The following DYRK1A variants were observed in gnomAD, a reference collection of about 807,000 sequenced individuals.
DYRK1A encodes the protein dual specificity tyrosine phosphorylation regulated kinase 1A, also known as dual specificity tyrosine-phosphorylation-regulated kinase 1A.
In DYRK1A, 9 loss-of-function variants were observed where a neutral mutation model predicts 79.7. That is an observed-to-expected ratio of 0.11 (90% CI 0.07 to 0.20). The LOEUF is 0.20. DYRK1A is among the 10% of genes least tolerant of loss of function. The pLI, the probability that DYRK1A is intolerant of heterozygous loss-of-function variation, is 1.00. For missense variants in DYRK1A, 622 were observed against 956.0 expected (o/e 0.65, Z 4.61); for synonymous variants, 349 against 329.7 (o/e 1.06, Z -0.63).
rs1602337146 is a variant in DYRK1A, at chr21:37,367,437, C to T, written c.-268C>T. ...GGAGGGGGCTGTCGCCTCCCCGGCC[C>T]CGGGCGCCGCTGGAACCGCGAGCCG... On this transcript the variant is annotated 5_prime_UTR_variant, in exon 1 of 12. Coordinates refer to ENST00000647188, the MANE Select transcript of DYRK1A (RefSeq NM_001347721.2). 2.0e-5 allele frequency: 3 copies of T among 148,686 alleles called. No individual in the cohort carries two copies. The South Asian group carries it at 6.2e-4, about 31-fold the overall frequency. 9.2% of individuals were successfully genotyped at this position (148,686 alleles called of 1,614,324 possible).
Position 37,512,032 on chromosome 21 carries a change from T to C in DYRK1A, c.1766T>C (p.Leu589Ser). 2.5e-6 allele frequency: 4 copies of C among 1,614,072 alleles called. No homozygotes were observed. Among genetic ancestry groups the C allele is most frequent in the Non-Finnish European group, 3.4e-6 (4 of 1,180,008 alleles). ...TFHVAPQQNALHHHHGNSSHH... is the reference protein window; with the variant it reads ...TFHVAPQQNASHHHHGNSSHH... ...CATGTAGCCCCTCAACAGAATGCATTGCATCATCACCATGGTAACAGTTCC... is the reference window on the plus strand; with the variant it reads ...CATGTAGCCCCTCAACAGAATGCATCGCATCATCACCATGGTAACAGTTCC... The change falls in exon 12 of 12, where the codon TTG becomes TCG. Residue 589 changes from leucine (L) to serine (S), a missense_variant. Leu to Ser is a moderately radical substitution (Grantham distance 145). Transcript: ENST00000647188.
chr21:37,418,586 A>G lies in DYRK1A; in HGVS notation c.-76-1713A>G, dbSNP rs144634707. ...GGATTTGATTATATAGTTCATAGCT[A>G]GAGATTGAATTTATGTTTTCTTTCC... On this transcript the variant is annotated intron_variant, in intron 1 of 11. Coordinates refer to ENST00000647188, the MANE Select transcript of DYRK1A (RefSeq NM_001347721.2). Among the ~76,000 whole-genome samples the G allele has an allele frequency of 1.5e-3, 231 of 152,332 alleles. 1 individual carries two copies. Among genetic ancestry groups the G allele is most frequent in the Admixed American group, 2.0e-3 (31 of 15,286 alleles).
chr21:37,390,475 T>C (rs1453779354), intron 1 of DYRK1A, among the ~76,000 whole-genome samples: 2 of 152,218 alleles, frequency 1.3e-5, no homozygotes, highest in Non-Finnish European at 2.9e-5. Flanking sequence ...ATCTAATCCA[T>C]ATGACTCCAT....
intron 5 of DYRK1A, among the ~76,000 whole-genome samples, chr21:37,482,448 C>T (rs2052682928): frequency 6.6e-6 from 1 of 152,078 alleles, no homozygotes; most frequent in Non-Finnish European, 1.5e-5. Context: ...TAGGGATTTT[C>T]AAAAGGGGAG....
At chr21:37,428,472 C>G in intron 2 of DYRK1A, among the ~76,000 whole-genome samples, 1 of 152,046 alleles carries the variant, frequency 6.6e-6, no homozygotes, top group Non-Finnish European at 1.5e-5. Context: ...TTTTATCAGG[C>G]ACAGTAAGCT....
intron 2 of DYRK1A, among the ~76,000 whole-genome samples, chr21:37,430,678 G>A (rs1459592566): frequency 6.6e-6 from 1 of 152,116 alleles, no homozygotes; most frequent in African/African-American, 2.4e-5. Flanking sequence ...CTCTTTCTCT[G>A]CTTGCCAGGT....
intron 1 of DYRK1A, among the ~76,000 whole-genome samples, chr21:37,390,271 AT>A (rs1448161142): frequency 1.3e-5 from 2 of 151,826 alleles, no homozygotes; most frequent in Admixed American, 1.3e-4. Flanking sequence ...ACCTTTATTT[AT>A]TTTTCTTGAC....
At chr21:37,430,439 T>C (rs1268585487) in intron 2 of DYRK1A, 1 of 981,636 alleles carries the variant, frequency 1.0e-6, no homozygotes, top group Non-Finnish European at 1.2e-6. Context: ...TTCTATGATA[T>C]GTGTTCAACT....
At chr21:37,401,732 C>T (rs574386669) in intron 1 of DYRK1A, among the ~76,000 whole-genome samples, 1 of 152,240 alleles carries the variant, frequency 6.6e-6, no homozygotes, top group African/African-American at 2.4e-5. Flanking sequence ...ATCCACCCAC[C>T]TTAGCCTCCC....
intron 1 of DYRK1A, among the ~76,000 whole-genome samples, chr21:37,416,812 A>C (rs763624020): frequency 3.9e-5 from 6 of 151,948 alleles, no homozygotes; most frequent in Non-Finnish European, 8.8e-5. Flanking sequence ...ACTGTATTTT[A>C]TCTTTTCATA....
chr21:37,462,314 G>A (rs925566493), intron 2 of DYRK1A, among the ~76,000 whole-genome samples: 1 of 152,140 alleles, frequency 6.6e-6, no homozygotes, highest in Non-Finnish European at 1.5e-5. Flanking sequence ...GTCCTGGCAG[G>A]CTGTTAATTC....
At chr21:37,510,750 A>C (rs1452037882) in intron 11 of DYRK1A, among the ~76,000 whole-genome samples, 1 of 151,288 alleles carries the variant, frequency 6.6e-6, no homozygotes, top group Non-Finnish European at 1.5e-5. Flanking sequence ...CTACTTGTCT[A>C]CTGTGTCCAG....
intron 2 of DYRK1A, among the ~76,000 whole-genome samples, chr21:37,443,171 A>AC (rs955205545): frequency 3.3e-5 from 5 of 151,760 alleles, no homozygotes; most frequent in Non-Finnish European, 7.4e-5. Flanking sequence ...TCTTTTAGAG[A>AC]CAGGGTCTTG....
chr21:37,385,501 A>G (rs1249650240), intron 1 of DYRK1A, among the ~76,000 whole-genome samples: 1 of 151,690 alleles, frequency 6.6e-6, no homozygotes, highest in East Asian at 1.9e-4. Context: ...CCAGTAAAAG[A>G]GTCACCTTGC....
chr21:37,435,719 C>T (rs529710331), intron 2 of DYRK1A, among the ~76,000 whole-genome samples: 1 of 152,222 alleles, frequency 6.6e-6, no homozygotes, highest in Non-Finnish European at 1.5e-5. Flanking sequence ...TTTCTTATGA[C>T]TTTGACCTTT....
intron 2 of DYRK1A, among the ~76,000 whole-genome samples, chr21:37,461,927 T>G (rs1469006034): frequency 6.6e-6 from 1 of 152,002 alleles, no homozygotes; most frequent in African/African-American, 2.4e-5. Context: ...TTCCATTCAC[T>G]TATCTTTTCT....
intron 2 of DYRK1A, among the ~76,000 whole-genome samples, chr21:37,467,764 GCTTT>G (rs1333172696): frequency 2.6e-5 from 4 of 152,148 alleles, no homozygotes; most frequent in Non-Finnish European, 5.9e-5. Flanking sequence ...AATGTTGAAA[GCTTT>G]CTTTCTAAGA....
chr21:37,387,957 A>G (rs2049793194), intron 1 of DYRK1A, among the ~76,000 whole-genome samples: 2 of 152,182 alleles, frequency 1.3e-5, no homozygotes, highest in African/African-American at 4.8e-5. Flanking sequence ...TAGAAAATAT[A>G]ATGAGCTCCT....
At position 37,517,194 on chromosome 21, in the gene DYRK1A, C is replaced by CT. The variant is rs754059198; in HGVS notation, c.*4664dup. The CT allele has an allele frequency of 3.3e-5, 5 of 152,220 alleles. No individual in the cohort carries two copies. The highest frequency in any genetic ancestry group is 7.3e-5 in the Non-Finnish European group (5 of 68,098). 9.4% of individuals were successfully genotyped at this position (152,220 alleles called of 1,614,324 possible). A position where few individuals can be genotyped will look rare whatever the true frequency, so the allele number is the denominator to read the frequency against. On this transcript the variant is annotated 3_prime_UTR_variant, in exon 12 of 12. Coordinates refer to ENST00000647188, the MANE Select transcript of DYRK1A (RefSeq NM_001347721.2). ...AGTACTAGAGCCTGAGTCATGTTGA[C>CT]TATTAATAAAGTGCATTAAGTTTGG...
Sources: allele counts gnomAD v4.1 joint callset (sites outside exome capture counted in the v4.1 genomes callset), GRCh38; gene constraint gnomAD v4.1.1; transcripts MANE v1.5; gene names NCBI Gene and HGNC (gene_info 2026-07-23, HGNC 2026-07-21).